CLINT1: variants seen among roughly 807,000 people sequenced by gnomAD.
CLINT1 encodes clathrin interacting protein localized in the trans-Golgi region.
Under a neutral mutation model 70.4 loss-of-function variants are expected in CLINT1, and 15 were observed. That is an observed-to-expected ratio of 0.21 (90% CI 0.14 to 0.33). The LOEUF (loss-of-function observed/expected upper bound fraction) is 0.33. Among genes scored for constraint, CLINT1 ranks in the 10% least tolerant of loss-of-function variants. CLINT1 has a pLI of 1.00. For missense variants in CLINT1, 615 were observed against 778.1 expected (o/e 0.79, Z 2.49); for synonymous variants, 227 against 254.7 (o/e 0.89, Z 1.04).
chr5:157,811,105 C>G lies in CLINT1; in HGVS notation c.518-1300G>C, dbSNP rs1432930. On this transcript the variant is annotated intron_variant, in intron 5 of 11. Transcript: ENST00000411809. ...ACATTTCAACAACAGTGTGATGAAC[C>G]AGACTTCGGAAAGAAACAAATTTAC... is the stretch of plus-strand genomic sequence containing the variant. Among the ~76,000 whole-genome samples, 1,031 of 152,078 alleles carry G rather than the reference C, an allele frequency of 6.8e-3. 11 individuals are homozygous for G. The highest frequency in any genetic ancestry group is 0.023 in the African/African-American group (960 of 41,456).
At chr5:157,848,343 C>T (rs186768960) in intron 1 of CLINT1, among the ~76,000 whole-genome samples, 1 of 151,208 alleles carries the variant, frequency 6.6e-6, no homozygotes, top group East Asian at 1.9e-4. Flanking sequence ...GCAATCCACC[C>T]GCCTCTCCCT....
chr5:157,842,667 A>T (rs1324526952), intron 1 of CLINT1, among the ~76,000 whole-genome samples: 7 of 152,234 alleles, frequency 4.6e-5, no homozygotes, highest in African/African-American at 1.7e-4. Flanking sequence ...ATCCAACTGC[A>T]TATCTTGTGG....
intron 1 of CLINT1, among the ~76,000 whole-genome samples, chr5:157,851,750 A>T (rs1327057691): frequency 6.6e-6 from 1 of 152,126 alleles, no homozygotes; most frequent in Non-Finnish European, 1.5e-5. Context: ...TTCTTAAATG[A>T]AGTACAAACC....
At chr5:157,800,440 G>T (rs970675726) in intron 8 of CLINT1, among the ~76,000 whole-genome samples, 4 of 152,078 alleles carry the variant, frequency 2.6e-5, no homozygotes, top group African/African-American at 9.7e-5. Flanking sequence ...ACCTTCTCGT[G>T]TAAGTGCTAA....
intron 1 of CLINT1, among the ~76,000 whole-genome samples, chr5:157,833,981 T>C (rs1157136057): frequency 2.0e-5 from 3 of 152,130 alleles, no homozygotes; most frequent in Non-Finnish European, 4.4e-5. Context: ...CATGTTTGTT[T>C]ATTTACCCGT....
chr5:157,847,416 C>T (rs1753418887), intron 1 of CLINT1, among the ~76,000 whole-genome samples: 1 of 151,712 alleles, frequency 6.6e-6, no homozygotes. Flanking sequence ...GAGGCTGAGG[C>T]AGGAGAATGG....
Position 157,859,085 on chromosome 5 carries a change from T to A in CLINT1, c.-115A>T. 1.7e-6 allele frequency: 2 copies of A among 1,144,414 alleles called. No individual in the cohort carries two copies. The highest frequency in any genetic ancestry group is 2.9e-5 in the South Asian group (2 of 69,218). The allele number at this position is 1,144,414 out of a possible 1,614,324, so 70.9% of individuals were successfully genotyped here. The stretch of plus-strand genomic sequence containing the variant: ...GTCACCGCCGCCCGCCGCCTCGAAC[T>A]CCCCCAGTCAGCTCCTTCCTTTGCC... On this transcript the variant is annotated 5_prime_UTR_variant, in exon 1 of 12. Transcript: ENST00000411809.
At chr5:157,815,244 G>A (rs778801177) in intron 3 of CLINT1, among the ~76,000 whole-genome samples, 1 of 151,944 alleles carries the variant, frequency 6.6e-6, no homozygotes, top group South Asian at 2.1e-4. Flanking sequence ...AGACTGCAGT[G>A]AGCCAAGGGC....
chr5:157,810,469 T>G (rs185208218), intron 5 of CLINT1, among the ~76,000 whole-genome samples: 4 of 152,334 alleles, frequency 2.6e-5, no homozygotes, highest in African/African-American at 9.6e-5. Context: ...TTCAGAACAG[T>G]GTCAACCAAT....
intron 6 of CLINT1, chr5:157,809,115 A>G (rs1384999343): frequency 6.6e-6 from 1 of 152,272 alleles, no homozygotes; most frequent in Non-Finnish European, 1.5e-5. Flanking sequence ...CTTCAGCAGC[A>G]TATGTACTAA....
chr5:157,831,138 C>A (rs1342557343), intron 1 of CLINT1, among the ~76,000 whole-genome samples: 1 of 151,534 alleles, frequency 6.6e-6, no homozygotes, highest in Non-Finnish European at 1.5e-5. Context: ...TTCTTAATAA[C>A]CCTCATTTAA....
intron 5 of CLINT1, among the ~76,000 whole-genome samples, chr5:157,811,216 T>C (rs777857741): frequency 1.3e-5 from 2 of 152,080 alleles, no homozygotes; most frequent in East Asian, 3.8e-4. Context: ...ATACTGGATA[T>C]TGGCAAGACA....
chr5:157,792,792 C>G (rs1045367363), intron 9 of CLINT1, among the ~76,000 whole-genome samples: 2 of 152,156 alleles, frequency 1.3e-5, no homozygotes, highest in African/African-American at 4.8e-5. Flanking sequence ...TATCAATTAA[C>G]CTCTGATCAA....
At chr5:157,821,111 T>G (rs1432553813) in intron 1 of CLINT1, among the ~76,000 whole-genome samples, 1 of 152,204 alleles carries the variant, frequency 6.6e-6, no homozygotes, top group African/African-American at 2.4e-5. Context: ...TGACCTTCTG[T>G]TGAAGGCTCA....
chr5:157,816,121 T>G (rs1762715592), intron 3 of CLINT1, among the ~76,000 whole-genome samples: 1 of 152,210 alleles, frequency 6.6e-6, no homozygotes, highest in African/African-American at 2.4e-5. Context: ...AAAATGAAAC[T>G]AACACATAGA....
intron 1 of CLINT1, among the ~76,000 whole-genome samples, chr5:157,825,081 A>T (rs950846573): frequency 1.3e-5 from 2 of 152,164 alleles, no homozygotes; most frequent in Non-Finnish European, 2.9e-5. Context: ...TTGATTAGGG[A>T]AAAACTGAAA....
At chr5:157,847,835 C>T (rs969285468) in intron 1 of CLINT1, among the ~76,000 whole-genome samples, 5 of 152,150 alleles carry the variant, frequency 3.3e-5, no homozygotes, top group South Asian at 4.1e-4. Context: ...TTTCTTGAGA[C>T]GATGTCTCCC....
chr5:157,815,690 G>A (rs1173075546), intron 3 of CLINT1, among the ~76,000 whole-genome samples: 1 of 152,168 alleles, frequency 6.6e-6, no homozygotes, highest in African/African-American at 2.4e-5. Context: ...TTTCGTCATT[G>A]TATTAATATC....
chr5:157,827,562 A>C (rs180770804), intron 1 of CLINT1, among the ~76,000 whole-genome samples: 127 of 152,352 alleles, frequency 8.3e-4, no homozygotes, highest in Admixed American at 2.8e-3. Context: ...AACATGACTT[A>C]AACTGGCAAC....
Sources: allele counts gnomAD v4.1 joint callset (sites outside exome capture counted in the v4.1 genomes callset), GRCh38; gene constraint gnomAD v4.1.1; transcripts MANE v1.5; gene names NCBI Gene and HGNC (gene_info 2026-07-23, HGNC 2026-07-21).